The following COL17A1 variants were observed in gnomAD, a reference collection of about 807,000 sequenced individuals.
The protein encoded by COL17A1 is collagen alpha-1(XVII) chain.
Under a neutral mutation model 218.4 loss-of-function variants are expected in COL17A1, and 181 were observed. The ratio of observed to expected loss-of-function variants is 0.83; its 90% CI spans 0.73 to 0.94. The LOEUF (loss-of-function observed/expected upper bound fraction) is 0.94, where lower values mean the gene tolerates loss of function less well. COL17A1 is among the 40% of genes least tolerant of loss of function. The pLI is 0.00. For missense variants in COL17A1, 1,924 were observed against 1,945.9 expected (o/e 0.99, Z 0.21); for synonymous variants, 721 against 731.0 (o/e 0.99, Z 0.22).
chr10:104,034,399 A>G, intron 51 of COL17A1, 65 bp from the exon 52 acceptor site: 1 of 1,516,920 alleles, frequency 6.6e-7, no homozygotes, highest in Non-Finnish European at 8.8e-7. Context: ...CTTGGGAGTT[A>G]GGGAGTCTCT....
chr10:104,075,537 G>A (rs2086702245), intron 5 of COL17A1, among the ~76,000 whole-genome samples: 1 of 152,154 alleles, frequency 6.6e-6, no homozygotes, highest in African/African-American at 2.4e-5. Flanking sequence ...CTGGATGACC[G>A]AGGATTTCTT....
intron 5 of COL17A1, among the ~76,000 whole-genome samples, chr10:104,075,686 T>C (rs983616769): frequency 2.6e-5 from 4 of 152,256 alleles, no homozygotes; most frequent in Admixed American, 6.5e-5. Context: ...GAATAAAGTC[T>C]AAACATCTTA....
At chr10:104,049,492 G>C in intron 28 of COL17A1, 21 bp from the exon 29 acceptor site, 5 of 1,613,952 alleles carry the variant, frequency 3.1e-6, no homozygotes, top group Non-Finnish European at 4.2e-6. Context: ...CAAAGAACTA[G>C]CTGGTTGGAC....
intron 33 of COL17A1, 134 bp downstream of exon 33, chr10:104,045,624 A>G (rs1188996833): frequency 1.2e-6 from 1 of 813,878 alleles, no homozygotes. Flanking sequence ...CCAGCCTCAT[A>G]GCCCTCTGCT....
At chr10:104,075,838 G>T (rs1039625715) in intron 5 of COL17A1, among the ~76,000 whole-genome samples, 6 of 152,196 alleles carry the variant, frequency 3.9e-5, no homozygotes, top group South Asian at 4.1e-4. Context: ...CCATCTTTGG[G>T]TATCAAACTC....
At chr10:104,069,230 C>G (rs1247133132) in intron 9 of COL17A1, among the ~76,000 whole-genome samples, 1 of 152,190 alleles carries the variant, frequency 6.6e-6, no homozygotes, top group Non-Finnish European at 1.5e-5. Context: ...TAATGGTAAA[C>G]CACCTCTCCG....
In COL17A1 at chr10:104,052,214, GC is replaced by G. The variant is rs1458935187; in HGVS notation, c.1942del (p.Ala648LeufsTer35). ...GCCATGAGGACCTGGTTCACCAGCAGCCCCTGAGGAGAAATGGAGGGATGAG... is the reference window on the plus strand; with the variant it reads ...GCCATGAGGACCTGGTTCACCAGCAGCCCTGAGGAGAAATGGAGGGATGAG... ...PGSGEKGERGAAGEPGPHGPP... is the reference protein window; with the variant it reads ...PGSGEKGERGXAGEPGPHGPP... On this transcript the variant is annotated frameshift_variant and splice_region_variant, in exon 24 of 56. Transcript: ENST00000648076. LOFTEE classifies it high-confidence loss of function. The G allele has an allele frequency of 1.9e-6, 3 of 1,614,142 alleles. No homozygotes were observed.
chr10:104,038,371 C>T (rs116846475), intron 45 of COL17A1, 35 bp downstream of exon 45: 32,634 of 1,613,206 alleles, frequency 0.02, 416 homozygotes, highest in Non-Finnish European at 0.025. Flanking sequence ...TCTCCATGTT[C>T]TTGTCCCCAC....
At chr10:104,062,430 T>C (rs969263959) in intron 11 of COL17A1, 101 bp from the exon 12 acceptor site, 1 of 1,519,024 alleles carries the variant, frequency 6.6e-7, no homozygotes, top group African/African-American at 1.4e-5. Context: ...TGATCAATGG[T>C]TTTGCCAACA....
At position 104,063,808 on chromosome 10, in the gene COL17A1, A is replaced by G. The variant is rs1183029897; in HGVS notation, c.777T>C (p.Val259=). ...GTGAGCAGGACGCCATGTTGTTTGGAACTCCGAAGACTGCAGGGGCAAGGA... is the reference window on the plus strand; with the variant it reads ...GTGAGCAGGACGCCATGTTGTTTGGGACTCCGAAGACTGCAGGGGCAAGGA... ...NAYSAGSVFG[V]PNNMASCSPT... The change falls in exon 11 of 56, where the codon GTT becomes GTC. Residue 259 remains valine, a synonymous_variant. Transcript: ENST00000648076. 3 of 1,614,094 alleles carry G rather than the reference A, an allele frequency of 1.9e-6. No individual in the cohort carries two copies. The African/African-American group carries it at 4.0e-5, about 22-fold the overall frequency.
At chr10:104,059,337 T>G in intron 15 of COL17A1, 1 of 431,796 alleles carries the variant, frequency 2.3e-6, no homozygotes, top group South Asian at 2.5e-5. Flanking sequence ...ATTTTTCTAT[T>G]AGTTCTGAAG....
At position 104,050,920 on chromosome 10, in the gene COL17A1, C is replaced by G; in HGVS notation, c.2039-19G>C. On this transcript the variant is annotated intron_variant, in intron 25 of 55. Transcript: ENST00000648076. ...ACAGGACCTGCCCGGCAGAAGAAAC[C>G]ATGCACACAGATGAGTATCCCTAGC... 6.2e-7 allele frequency: 1 copy of G among 1,614,158 alleles called. No homozygotes were observed.
chr10:104,065,227 A>C (rs982842472), intron 9 of COL17A1, among the ~76,000 whole-genome samples: 5 of 152,234 alleles, frequency 3.3e-5, no homozygotes, highest in African/African-American at 1.2e-4. Context: ...GGAGCCAGCC[A>C]TGCAGGTCAG....
chr10:104,070,373 G>A (rs1315135432), intron 9 of COL17A1, 53 bp downstream of exon 9: 51 of 1,610,630 alleles, frequency 3.2e-5, no homozygotes, highest in Non-Finnish European at 3.8e-5. Context: ...TTTGGGTTTG[G>A]ATGGGTAAGT....
chr10:104,053,198 G>T, intron 22 of COL17A1, 63 bp from the exon 23 acceptor site: 1 of 1,579,848 alleles, frequency 6.3e-7, no homozygotes. Context: ...GGCTCCACAG[G>T]CAGCCTCCCA....
chr10:104,064,182 C>T (rs1486842531), intron 10 of COL17A1, among the ~76,000 whole-genome samples: 1 of 152,212 alleles, frequency 6.6e-6, no homozygotes, highest in Admixed American at 6.5e-5. Flanking sequence ...AACTAGATCT[C>T]CTACATCCAT....
intron 5 of COL17A1, among the ~76,000 whole-genome samples, chr10:104,075,321 G>A (rs971646486): frequency 6.6e-6 from 1 of 152,072 alleles, no homozygotes; most frequent in South Asian, 2.1e-4. Flanking sequence ...GCTTCAGGAT[G>A]AATTAGCTGG....
At chr10:104,074,885 G>A (rs1281243624) in intron 5 of COL17A1, among the ~76,000 whole-genome samples, 1 of 152,182 alleles carries the variant, frequency 6.6e-6, no homozygotes, top group Admixed American at 6.5e-5. Flanking sequence ...AAACTCCTTG[G>A]CCACCTGGCT....
rs2086485799 is a variant in COL17A1 at position 104,053,051 on chromosome 10, G to T, written c.1919C>A (p.Ser640Tyr). 6.2e-7 allele frequency: 1 copy of T among 1,613,996 alleles called. No individual in the cohort carries two copies. The highest frequency in any genetic ancestry group is 8.5e-7 in the Non-Finnish European group (1 of 1,180,034). The change falls in exon 23 of 56, where the codon TCT becomes TAT. Residue 640 changes from serine (S) to tyrosine (Y), a missense_variant. Transcript: ENST00000648076. ...GPRGEAGPPG[S>Y]GEKGERGAAG... is the part of the protein sequence containing the mutation. ...CTTACCTCTTTCCCCTTTCTCTCCA[G>T]ATCCAGGAGGCCCTGCCTCACCACG... is the stretch of plus-strand genomic sequence containing the variant.
Sources: allele counts gnomAD v4.1 joint callset (sites outside exome capture counted in the v4.1 genomes callset), GRCh38; gene constraint gnomAD v4.1.1; transcripts MANE v1.5; gene names NCBI Gene and HGNC (gene_info 2026-07-23, HGNC 2026-07-21).